Variants in ANO10 observed in about 807,000 individuals in gnomAD.
The protein encoded by ANO10 is anoctamin-10.
A neutral mutation model predicts 74.7 loss-of-function variants in ANO10; 77 were observed. The ratio of observed to expected loss-of-function variants is 1.03; its 90% CI spans 0.86 to 1.25. The LOEUF is 1.25. Ranked by LOEUF, ANO10 falls within the 50% of genes most tolerant of loss-of-function variation. The probability of loss-of-function intolerance (pLI) is 0.00; values close to 1 mark genes in which losing one functional copy is unlikely to be tolerated. For synonymous variants in ANO10, 279 were observed against 284.9 expected (o/e 0.98, Z 0.21); for missense variants, 721 against 778.1 (o/e 0.93, Z 0.87).
At chr3:43,678,782 A>C (rs1023686187) in intron 1 of ANO10, among the ~76,000 whole-genome samples, 1 of 152,170 alleles carries the variant, frequency 6.6e-6, no homozygotes, top group African/African-American at 2.4e-5. Context: ...TAAAATTGTA[A>C]TTTGAGCCAT....
chr3:43,411,389 T>C (rs1232271565), intron 12 of ANO10, among the ~76,000 whole-genome samples: 1 of 152,164 alleles, frequency 6.6e-6, no homozygotes, highest in Non-Finnish European at 1.5e-5. Context: ...TTGACAACTA[T>C]TTTGCAGCTG....
intron 7 of ANO10, among the ~76,000 whole-genome samples, chr3:43,570,384 T>A (rs972264010): frequency 1.3e-5 from 2 of 151,890 alleles, no homozygotes; most frequent in East Asian, 3.9e-4. Context: ...AAGGCAACCC[T>A]AAGCCAAAAG....
At position 43,620,444 on chromosome 3, in the gene ANO10, T is replaced by G. The variant is rs185665700; in HGVS notation, c.-12+1465A>C. ...ATGTGGCAAAACTACAGATTTTAAT[T>G]TTCATCCTTATAATTTTCTCTGTCT... On this transcript the variant is annotated intron_variant, in intron 1 of 12. Coordinates refer to ENST00000292246, the MANE Select transcript of ANO10 (RefSeq NM_018075.5). Among the ~76,000 whole-genome samples, 105 of 152,288 alleles carry G rather than the reference T, an allele frequency of 6.9e-4. 1 individual carries two copies. The East Asian group carries it at 0.018, about 26-fold the overall frequency.
At chr3:43,482,397 A>G (rs1411336468) in intron 11 of ANO10, among the ~76,000 whole-genome samples, 2 of 152,020 alleles carry the variant, frequency 1.3e-5, no homozygotes, top group Admixed American at 6.6e-5. Context: ...CTTTTCATTG[A>G]CATGCCTTTA....
At chr3:43,517,751 A>G (rs2077772373) in intron 11 of ANO10, among the ~76,000 whole-genome samples, 1 of 152,166 alleles carries the variant, frequency 6.6e-6, no homozygotes, top group Non-Finnish European at 1.5e-5. Context: ...GACCAAAATG[A>G]GCTTGCATCT....
chr3:43,584,744 C>G (rs1046803705), intron 4 of ANO10, among the ~76,000 whole-genome samples: 10 of 152,134 alleles, frequency 6.6e-5, no homozygotes, highest in African/African-American at 1.2e-4. Context: ...GTTTACGTGA[C>G]AAAACTTGGT....
chr3:43,623,364 AGTAT>A (rs1001967123), upstream of ANO10, among the ~76,000 whole-genome samples: 4 of 152,168 alleles, frequency 2.6e-5, no homozygotes, highest in South Asian at 2.1e-4. Flanking sequence ...ACTTTATCAT[AGTAT>A]GTATGTATGT....
intron 11 of ANO10, among the ~76,000 whole-genome samples, chr3:43,486,316 T>C (rs1209703484): frequency 6.6e-6 from 1 of 152,208 alleles, no homozygotes; most frequent in Non-Finnish European, 1.5e-5. Context: ...ATATGAACTT[T>C]AAAGTAGTTT....
At chr3:43,495,083 T>C (rs2149129207) in intron 11 of ANO10, among the ~76,000 whole-genome samples, 1 of 152,090 alleles carries the variant, frequency 6.6e-6, no homozygotes, top group East Asian at 1.9e-4. Context: ...AAAAGGTCAG[T>C]GAAATAGAAG....
chr3:43,526,481 G>C (rs1259744987), intron 11 of ANO10, among the ~76,000 whole-genome samples: 1 of 152,166 alleles, frequency 6.6e-6, no homozygotes, highest in African/African-American at 2.4e-5. Flanking sequence ...GAGCACCAGA[G>C]TTGGGAAACA....
chr3:43,555,156 CA>C, intron 10 of ANO10, 121 bp downstream of exon 10: 2 of 1,018,042 alleles, frequency 2.0e-6, no homozygotes, highest in Admixed American at 2.1e-5. Context: ...AGTTTGTAGC[CA>C]AACAAACAAA....
At chr3:43,402,801 A>C (rs1469351184) in intron 12 of ANO10, among the ~76,000 whole-genome samples, 1 of 152,204 alleles carries the variant, frequency 6.6e-6, no homozygotes, top group Non-Finnish European at 1.5e-5. Flanking sequence ...TCCCTATTAA[A>C]AACAACTGAA....
intron 1 of ANO10, among the ~76,000 whole-genome samples, chr3:43,653,599 A>C (rs1203525753): frequency 1.3e-5 from 2 of 152,252 alleles, no homozygotes; most frequent in Non-Finnish European, 1.5e-5. Flanking sequence ...GAGATATTCA[A>C]AAGAATGTGT....
intron 11 of ANO10, 24 bp from the exon 12 acceptor site, chr3:43,432,751 T>C: frequency 1.4e-6 from 2 of 1,441,278 alleles, no homozygotes; most frequent in African/African-American, 1.4e-5. Context: ...AGAGTACATG[T>C]TGATGTGATA....
At chr3:43,538,316 G>A (rs1260625266) in intron 11 of ANO10, among the ~76,000 whole-genome samples, 2 of 152,036 alleles carry the variant, frequency 1.3e-5, no homozygotes, top group Admixed American at 6.6e-5. Flanking sequence ...CATTTTAACT[G>A]AGGAAAAAAA....
intron 11 of ANO10, among the ~76,000 whole-genome samples, chr3:43,490,105 A>T (rs184448087): frequency 8.5e-5 from 13 of 152,344 alleles, no homozygotes; most frequent in African/African-American, 3.1e-4. Context: ...GATGATGGAA[A>T]AACAGCCTGA....
At chr3:43,627,266 T>C (rs1369821516) in intron 1 of ANO10, among the ~76,000 whole-genome samples, 1 of 152,256 alleles carries the variant, frequency 6.6e-6, no homozygotes, top group Non-Finnish European at 1.5e-5. Flanking sequence ...CAGGAAGATA[T>C]TTAATAAAGA....
chr3:43,505,200 T>A (rs1010853185), intron 11 of ANO10, among the ~76,000 whole-genome samples: 9 of 152,232 alleles, frequency 5.9e-5, no homozygotes, highest in African/African-American at 1.9e-4. Context: ...CTAAATAGCA[T>A]GCCACTTACA....
At chr3:43,542,563 C>T (rs893645777) in intron 11 of ANO10, among the ~76,000 whole-genome samples, 2 of 152,150 alleles carry the variant, frequency 1.3e-5, no homozygotes, top group Non-Finnish European at 2.9e-5. Context: ...TTTCCACTTC[C>T]TCCTCTGCAT....
Sources: allele counts gnomAD v4.1 joint callset (sites outside exome capture counted in the v4.1 genomes callset), GRCh38; gene constraint gnomAD v4.1.1; transcripts MANE v1.5; gene names NCBI Gene and HGNC (gene_info 2026-07-23, HGNC 2026-07-21).